The following SCMH1 variants were observed in gnomAD, a reference collection of about 807,000 sequenced individuals.
SCMH1 encodes the protein Scm polycomb group protein homolog 1, also known as polycomb protein SCMH1.
Under a neutral mutation model 70.8 loss-of-function variants are expected in SCMH1, and 37 were observed. The observed-to-expected ratio is 0.52, with a 90% CI of 0.40 to 0.69. The LOEUF (loss-of-function observed/expected upper bound fraction) is 0.69, where lower values mean the gene tolerates loss of function less well. Ranked by LOEUF, SCMH1 falls within the 30% of genes least tolerant of loss-of-function variation. SCMH1 has a pLI of 0.00. For synonymous variants in SCMH1, 292 were observed against 307.4 expected (o/e 0.95, Z 0.52); for missense variants, 607 against 827.3 (o/e 0.73, Z 3.27).
chr1:41,173,190 A>C (rs6692363), intron 2 of SCMH1, among the ~76,000 whole-genome samples: 99,566 of 151,974 alleles, frequency 0.66, 33,827 homozygotes, highest in Middle Eastern at 0.76. Context: ...GTAAGCTATT[A>C]ATCCAATAAG....
intron 8 of SCMH1, among the ~76,000 whole-genome samples, chr1:41,099,299 C>G (rs1665943026): frequency 6.6e-6 from 1 of 152,206 alleles, no homozygotes; most frequent in South Asian, 2.1e-4. Flanking sequence ...TCTCATTCTA[C>G]TCCCAACACA....
intron 10 of SCMH1, 136 bp downstream of exon 10, chr1:41,070,459 C>A (rs1297941241): frequency 2.6e-6 from 3 of 1,170,982 alleles, no homozygotes; most frequent in Admixed American, 5.9e-5. Flanking sequence ...ATTTCAAATG[C>A]CAAAGATAAA....
chr1:41,170,323 C>T lies in SCMH1; in HGVS notation c.14-8891G>A, dbSNP rs534824991. Reference sequence around the variant, plus strand: ...AAGTTGGATGCTGGGGCTTCCCTTCCCAATTTTATGGCACAATGCCCAGGG... The same window carrying T: ...AAGTTGGATGCTGGGGCTTCCCTTCTCAATTTTATGGCACAATGCCCAGGG... On this transcript the variant is annotated intron_variant, in intron 2 of 14. Coordinates refer to ENST00000337495, the Ensembl canonical transcript of SCMH1. 1.8e-4 allele frequency among the ~76,000 whole-genome samples: 27 copies of T among 152,310 alleles called. No individual in the cohort carries two copies. In the South Asian group the frequency reaches 5.6e-3, roughly 32 times the overall value.
intron 8 of SCMH1, among the ~76,000 whole-genome samples, chr1:41,105,444 T>C (rs1388812076): frequency 6.6e-6 from 1 of 152,190 alleles, no homozygotes; most frequent in Non-Finnish European, 1.5e-5. Context: ...ATGTTCCAAG[T>C]GGTGGGGACA....
At chr1:41,115,527 T>G (rs1670242474) in intron 7 of SCMH1, among the ~76,000 whole-genome samples, 1 of 152,134 alleles carries the variant, frequency 6.6e-6, no homozygotes, top group African/African-American at 2.4e-5. Flanking sequence ...AGCCTCAATC[T>G]CCTGGGCTTA....
rs542225851 is a variant in SCMH1, at chr1:41,238,682, T to A, written c.-118+3377A>T. Among the ~76,000 whole-genome samples, 10 of 152,328 alleles carry A rather than the reference T, an allele frequency of 6.6e-5. No homozygotes were observed. The South Asian group carries it at 2.1e-3, about 32-fold the overall frequency. On this transcript the variant is annotated intron_variant, in intron 1 of 14. Coordinates refer to ENST00000337495, the Ensembl canonical transcript of SCMH1. ...CCAAATTCCTTGTCATACTCAGCTT[T>A]ACTGACCTTCGCCTCTGCTGTATTT...
At chr1:41,180,209 A>G (rs1185821432) in intron 2 of SCMH1, among the ~76,000 whole-genome samples, 1 of 152,148 alleles carries the variant, frequency 6.6e-6, no homozygotes, top group Non-Finnish European at 1.5e-5. Flanking sequence ...TTGATGGGAC[A>G]TATCTCAAAA....
intron 1 of SCMH1, among the ~76,000 whole-genome samples, chr1:41,212,444 T>C (rs920652235): frequency 6.6e-6 from 1 of 152,188 alleles, no homozygotes; most frequent in African/African-American, 2.4e-5. Flanking sequence ...TTAAAAGATA[T>C]GCATTGTGAT....
intron 10 of SCMH1, among the ~76,000 whole-genome samples, chr1:41,065,625 A>G (rs1654330021): frequency 6.6e-6 from 1 of 152,216 alleles, no homozygotes; most frequent in South Asian, 2.1e-4. Flanking sequence ...TAGACAGATC[A>G]ATGGAACAGA....
chr1:41,166,798 T>C (rs1247856011), intron 2 of SCMH1, among the ~76,000 whole-genome samples: 1 of 152,074 alleles, frequency 6.6e-6, no homozygotes, highest in East Asian at 1.9e-4. Context: ...ACAGAGACAA[T>C]TTCATTTCAC....
At chr1:41,060,129 C>G (rs1652072320) in intron 10 of SCMH1, among the ~76,000 whole-genome samples, 1 of 151,792 alleles carries the variant, frequency 6.6e-6, no homozygotes, top group Non-Finnish European at 1.5e-5. Flanking sequence ...GCAATAATGA[C>G]TGAGAATTTT....
chr1:41,093,757 G>C (rs1664316704), intron 8 of SCMH1, among the ~76,000 whole-genome samples: 1 of 152,098 alleles, frequency 6.6e-6, no homozygotes, highest in Non-Finnish European at 1.5e-5. Flanking sequence ...ACATTAGTTG[G>C]TATCACCACA....
chr1:41,134,681 T>C (rs1049657982), intron 6 of SCMH1, among the ~76,000 whole-genome samples: 6 of 152,224 alleles, frequency 3.9e-5, no homozygotes, highest in Admixed American at 6.5e-5. Context: ...TATTTTTTAA[T>C]CATGCTTTTT....
chr1:41,112,029 C>CA lies in SCMH1; in HGVS notation c.745+1253dup, dbSNP rs1308198422. Among the ~76,000 whole-genome samples, 9 of 151,700 alleles carry CA rather than the reference C, an allele frequency of 5.9e-5. No individual in the cohort carries two copies. In the South Asian group the frequency reaches 6.2e-4, roughly 11 times the overall value. On this transcript the variant is annotated intron_variant, in intron 8 of 14. Coordinates refer to ENST00000337495, the Ensembl canonical transcript of SCMH1. ...ATTATATTTCAATAGGGCTATTAAA[C>CA]AAAAAAAACCCTTTACAATTATACC...
intron 1 of SCMH1, among the ~76,000 whole-genome samples, chr1:41,206,118 A>T (rs1025486430): frequency 6.6e-6 from 1 of 152,204 alleles, no homozygotes; most frequent in African/African-American, 2.4e-5. Context: ...AAATTCTAAA[A>T]ACCAGAGCGC....
intron 8 of SCMH1, among the ~76,000 whole-genome samples, chr1:41,103,307 T>A (rs969705375): frequency 4.6e-5 from 7 of 151,994 alleles, no homozygotes; most frequent in East Asian, 1.9e-4. Context: ...AATTTTTTTT[T>A]ATTTTTTTAT....
intron 8 of SCMH1, among the ~76,000 whole-genome samples, chr1:41,076,552 G>A (rs10889828): frequency 0.078 from 11,895 of 152,138 alleles, 601 homozygotes; most frequent in South Asian, 0.13. Context: ...CACAATATAC[G>A]GTATAATGTC....
intron 8 of SCMH1, among the ~76,000 whole-genome samples, chr1:41,093,303 CAT>C (rs1664154101): frequency 6.9e-6 from 1 of 145,762 alleles, no homozygotes; most frequent in Non-Finnish European, 1.5e-5. Flanking sequence ...TGTTCTCACT[CAT>C]AGATGGGAAT....
intron 10 of SCMH1, among the ~76,000 whole-genome samples, chr1:41,068,942 C>T (rs886584587): frequency 6.6e-6 from 1 of 152,082 alleles, no homozygotes; most frequent in South Asian, 2.1e-4. Flanking sequence ...ACTAAGAAGG[C>T]TCCAGGAGAG....
Sources: gnomAD v4.1 joint callset for allele counts (sites outside exome capture counted in the v4.1 genomes callset) on GRCh38, gnomAD v4.1.1 for gene constraint, MANE v1.5 for transcripts, NCBI Gene and HGNC (gene_info 2026-07-23, HGNC 2026-07-21) for gene names.